The following LRRC1 variants were observed in gnomAD, a reference collection of about 807,000 sequenced individuals.
LRRC1 encodes the protein leucine rich repeat containing 1.
LRRC1 carries 28 observed loss-of-function variants against 69.9 expected under a neutral mutation model. The observed-to-expected ratio is 0.40, with a 90% CI of 0.30 to 0.55. The LOEUF (loss-of-function observed/expected upper bound fraction) is 0.55. Ranked by LOEUF, LRRC1 falls within the 20% of genes least tolerant of loss-of-function variation. The probability of loss-of-function intolerance (pLI) is 0.47; values close to 1 mark genes in which losing one functional copy is unlikely to be tolerated. For missense variants in LRRC1, 498 were observed against 609.0 expected (o/e 0.82, Z 1.92); for synonymous variants, 236 against 240.2 (o/e 0.98, Z 0.16).
At chr6:53,887,951 C>G (rs1047559968) in intron 4 of LRRC1, among the ~76,000 whole-genome samples, 6 of 152,198 alleles carry the variant, frequency 3.9e-5, no homozygotes, top group South Asian at 4.1e-4. Context: ...TTTAGATATG[C>G]CCTTAAAAAC....
chr6:53,817,999 A>G (rs1562028725), intron 1 of LRRC1, among the ~76,000 whole-genome samples: 1 of 152,242 alleles, frequency 6.6e-6, no homozygotes, highest in Non-Finnish European at 1.5e-5. Flanking sequence ...TTGCATGTGT[A>G]ATGTGTAATA....
At chr6:53,835,327 C>T (rs1294736772) in intron 1 of LRRC1, among the ~76,000 whole-genome samples, 2 of 152,138 alleles carry the variant, frequency 1.3e-5, no homozygotes, top group Non-Finnish European at 2.9e-5. Context: ...ACAGGATTTT[C>T]ATTTTTCTTT....
intron 2 of LRRC1, among the ~76,000 whole-genome samples, chr6:53,855,791 C>A (rs1766291301): frequency 6.6e-6 from 1 of 152,180 alleles, no homozygotes; most frequent in African/African-American, 2.4e-5. Flanking sequence ...CCTTTTAGGT[C>A]CTTGCTCTAT....
chr6:53,831,263 A>C (rs1160965164), intron 1 of LRRC1, among the ~76,000 whole-genome samples: 1 of 152,142 alleles, frequency 6.6e-6, no homozygotes, highest in Non-Finnish European at 1.5e-5. Context: ...AATCCAGTTC[A>C]CATGACTTCT....
chr6:53,809,963 A>ATC (rs1342780024), intron 1 of LRRC1, among the ~76,000 whole-genome samples: 4 of 152,258 alleles, frequency 2.6e-5, no homozygotes, highest in Admixed American at 6.5e-5. Flanking sequence ...AGGGATAGAT[A>ATC]GAGTCACAGG....
chr6:53,850,711 C>T (rs184337347), intron 2 of LRRC1, among the ~76,000 whole-genome samples: 28 of 152,286 alleles, frequency 1.8e-4, no homozygotes, highest in South Asian at 2.1e-4. Flanking sequence ...TGGCTTAACA[C>T]GGTGAGGAAT....
chr6:53,807,554 T>C (rs907280420), intron 1 of LRRC1, among the ~76,000 whole-genome samples: 1 of 152,210 alleles, frequency 6.6e-6, no homozygotes, highest in African/African-American at 2.4e-5. Flanking sequence ...AAAACCAGCC[T>C]GACCAACATG....
chr6:53,826,137 C>G (rs189453264), intron 1 of LRRC1, among the ~76,000 whole-genome samples: 4 of 151,456 alleles, frequency 2.6e-5, no homozygotes, highest in Non-Finnish European at 5.9e-5. Context: ...CTCCTGCCAG[C>G]CCCCTGCCTA....
At chr6:53,883,968 G>A (rs1359444881) in intron 4 of LRRC1, 27 of 717,916 alleles carry the variant, frequency 3.8e-5, no homozygotes, top group Non-Finnish European at 5.7e-5. Context: ...ACAACTAGCT[G>A]ACACCTGTTC....
intron 4 of LRRC1, among the ~76,000 whole-genome samples, chr6:53,888,040 A>G (rs556563781): frequency 2.6e-5 from 4 of 152,354 alleles, no homozygotes; most frequent in African/African-American, 7.2e-5. Context: ...GCCAGGAAGG[A>G]TAATTTTTGC....
intron 1 of LRRC1, among the ~76,000 whole-genome samples, chr6:53,837,240 T>G (rs1263659355): frequency 6.6e-6 from 1 of 152,024 alleles, no homozygotes; most frequent in Non-Finnish European, 1.5e-5. Flanking sequence ...GATCTATACC[T>G]AGTAGTATAA....
At chr6:53,803,522 AGGAAT>A (rs1764551548) in intron 1 of LRRC1, among the ~76,000 whole-genome samples, 1 of 152,208 alleles carries the variant, frequency 6.6e-6, no homozygotes, top group Admixed American at 6.5e-5. Context: ...TTTAGTGGAC[AGGAAT>A]GGAATGGTAA....
chr6:53,890,219 A>G (rs926715221), intron 4 of LRRC1, among the ~76,000 whole-genome samples: 4 of 152,216 alleles, frequency 2.6e-5, no homozygotes, highest in African/African-American at 9.6e-5. Flanking sequence ...CTCCCTGTTT[A>G]ACTGAGTTGT....
intron 2 of LRRC1, among the ~76,000 whole-genome samples, chr6:53,865,389 A>G (rs1213747129): frequency 6.6e-6 from 1 of 152,072 alleles, no homozygotes; most frequent in Non-Finnish European, 1.5e-5. Flanking sequence ...TTAGACTCAA[A>G]TGGGGAAATT....
At position 53,840,402 on chromosome 6, in the gene LRRC1, G is replaced by A. The variant is rs575960171; in HGVS notation, c.160-1708G>A. On this transcript the variant is annotated intron_variant, in intron 1 of 13. Coordinates refer to ENST00000370888, the MANE Select transcript of LRRC1 (RefSeq NM_018214.5). ...CCTTTTTCCTTTATTTCCTGTGCCTGGAAACTTTTAGAATCTAATTTCTGG... is the reference window on the plus strand; with the variant it reads ...CCTTTTTCCTTTATTTCCTGTGCCTAGAAACTTTTAGAATCTAATTTCTGG... Among the ~76,000 whole-genome samples the A allele has an allele frequency of 7.2e-5, 11 of 152,136 alleles. No homozygotes were observed. In the South Asian group the frequency reaches 2.3e-3, roughly 32 times the overall value.
intron 10 of LRRC1, among the ~76,000 whole-genome samples, chr6:53,910,269 T>C (rs1055213705): frequency 6.6e-5 from 10 of 152,196 alleles, no homozygotes; most frequent in African/African-American, 1.9e-4. Context: ...CTTAAAAATA[T>C]CAGCTTCCTA....
chr6:53,842,592 A>G (rs1765825933), intron 2 of LRRC1, among the ~76,000 whole-genome samples: 1 of 152,172 alleles, frequency 6.6e-6, no homozygotes, highest in Non-Finnish European at 1.5e-5. Context: ...GGGCTGGGCA[A>G]TCATTTAACC....
intron 1 of LRRC1, among the ~76,000 whole-genome samples, chr6:53,818,996 C>T (rs933662152): frequency 1.7e-4 from 26 of 152,216 alleles, no homozygotes; most frequent in African/African-American, 5.8e-4. Context: ...CTGTGGGGGT[C>T]ACAGCACAGT....
At chr6:53,836,773 C>CAA (rs1160393654) in intron 1 of LRRC1, among the ~76,000 whole-genome samples, 2 of 152,116 alleles carry the variant, frequency 1.3e-5, no homozygotes, top group Non-Finnish European at 2.9e-5. Context: ...ACCATGACTC[C>CAA]AAAAACTTGT....
Sources: allele counts gnomAD v4.1 joint callset (sites outside exome capture counted in the v4.1 genomes callset), GRCh38; gene constraint gnomAD v4.1.1; transcripts MANE v1.5; gene names NCBI Gene and HGNC (gene_info 2026-07-23, HGNC 2026-07-21).